RBFOX1: variants seen among roughly 807,000 people sequenced by gnomAD.
RBFOX1 encodes RNA binding protein fox-1 homolog 1.
A neutral mutation model predicts 57.7 loss-of-function variants in RBFOX1; 8 were observed. The observed-to-expected ratio is 0.14, with a 90% confidence interval of 0.08 to 0.25. The LOEUF (loss-of-function observed/expected upper bound fraction) is 0.25. RBFOX1 is among the 10% of genes least tolerant of loss of function. The probability of loss-of-function intolerance (pLI) is 1.00; values close to 1 mark genes in which losing one functional copy is unlikely to be tolerated. For synonymous variants in RBFOX1, 326 were observed against 222.4 expected (o/e 1.47, Z -4.15); for missense variants, 611 against 548.5 (o/e 1.11, Z -1.14).
chr16:5,999,867 C>CAAAAAAAAAAA (rs869221577), intron 4 of RBFOX1, among the ~76,000 whole-genome samples: 1 of 27,664 alleles, frequency 3.6e-5, no homozygotes, highest in African/African-American at 1.5e-4. Context: ...GACTCCACCT[C>CAAAAAAAAAAA]AAAAAAAAAA....
intron 1 of RBFOX1, among the ~76,000 whole-genome samples, chr16:5,298,473 T>TTCCCC (rs1227944549): frequency 3.1e-5 from 1 of 31,802 alleles, no homozygotes; most frequent in South Asian, 1.8e-3. Context: ...TCCCTTCCCC[T>TTCCCC]TCCCCTCCCC....
intron 5 of RBFOX1, among the ~76,000 whole-genome samples, chr16:7,571,913 G>A (rs2092815803): frequency 6.6e-6 from 1 of 152,176 alleles, no homozygotes; most frequent in Non-Finnish European, 1.5e-5. Flanking sequence ...TGGATCACCT[G>A]AGGTCAGGAG....
At chr16:7,010,781 T>A (rs2093617228) in intron 3 of RBFOX1, among the ~76,000 whole-genome samples, 1 of 152,142 alleles carries the variant, frequency 6.6e-6, no homozygotes, top group African/African-American at 2.4e-5. Flanking sequence ...GCCAGGCTGG[T>A]CTCAAACTCC....
chr16:6,359,816 C>G (rs2088097935), intron 2 of RBFOX1, among the ~76,000 whole-genome samples: 1 of 152,040 alleles, frequency 6.6e-6, no homozygotes, highest in Non-Finnish European at 1.5e-5. Flanking sequence ...GTCAAAAAAA[C>G]TTTGGTGATA....
At chr16:6,791,648 A>C (rs1333653038) in intron 3 of RBFOX1, among the ~76,000 whole-genome samples, 1 of 152,130 alleles carries the variant, frequency 6.6e-6, no homozygotes, top group African/African-American at 2.4e-5. Context: ...AGTCCCAGCT[A>C]CTCGGGAGGC....
Position 7,697,473 on chromosome 16 carries a change from GTCAT to G in RBFOX1, c.996-11581_996-11578del, listed in dbSNP as rs377600217. 2.9e-3 allele frequency among the ~76,000 whole-genome samples: 437 copies of G among 152,094 alleles called. 2 individuals carry two copies. The highest frequency in any genetic ancestry group is 1.0e-2 in the African/African-American group (413 of 41,462). On this transcript the variant is annotated intron_variant, in intron 14 of 15. Transcript: ENST00000550418. Reference sequence around the variant, plus strand: ...CTCCAAGGTGTAATAGTAACTTACTGTCATTTATTGAGCAAATTATGTGTGCTAG... The same window carrying G: ...CTCCAAGGTGTAATAGTAACTTACTGTTATTGAGCAAATTATGTGTGCTAG...
At chr16:6,756,205 A>G (rs577867208) in intron 3 of RBFOX1, among the ~76,000 whole-genome samples, 3 of 152,336 alleles carry the variant, frequency 2.0e-5, no homozygotes, top group Admixed American at 6.5e-5. Flanking sequence ...TTATTTAAAA[A>G]TTATATGGAT....
At chr16:7,479,734 G>A (rs753284628) in intron 4 of RBFOX1, among the ~76,000 whole-genome samples, 1 of 151,426 alleles carries the variant, frequency 6.6e-6, no homozygotes, top group African/African-American at 2.5e-5. Flanking sequence ...AGGTGTAGGT[G>A]ATTGGAGCTG....
At chr16:6,891,844 A>C (rs150295690) in intron 3 of RBFOX1, among the ~76,000 whole-genome samples, 1 of 152,212 alleles carries the variant, frequency 6.6e-6, no homozygotes, top group Admixed American at 6.5e-5. Flanking sequence ...TGATACCATT[A>C]TAGCTACTTA....
At chr16:6,376,712 A>G (rs935471655) in intron 2 of RBFOX1, among the ~76,000 whole-genome samples, 16 of 152,202 alleles carry the variant, frequency 1.1e-4, no homozygotes, top group Admixed American at 1.0e-3. Flanking sequence ...AGTAAGAAGT[A>G]TCAGAAGCTC....
chr16:5,922,251 AT>A (rs1299188141), intron 4 of RBFOX1, among the ~76,000 whole-genome samples: 1 of 152,202 alleles, frequency 6.6e-6, no homozygotes, highest in Non-Finnish European at 1.5e-5. Context: ...TAATCCATTC[AT>A]GAGGGATCCA....
chr16:6,528,725 G>C (rs947676087), intron 2 of RBFOX1, among the ~76,000 whole-genome samples: 1 of 152,162 alleles, frequency 6.6e-6, no homozygotes, highest in Non-Finnish European at 1.5e-5. Flanking sequence ...TTTGGGACCA[G>C]ATACTTCTTG....
chr16:6,003,866 G>T (rs1452026209), intron 4 of RBFOX1, among the ~76,000 whole-genome samples: 3 of 152,198 alleles, frequency 2.0e-5, no homozygotes, highest in African/African-American at 7.2e-5. Context: ...AAGAGAGCAG[G>T]CCTAGGTGGC....
intron 2 of RBFOX1, among the ~76,000 whole-genome samples, chr16:5,475,410 T>A (rs1199028321): frequency 1.3e-5 from 2 of 152,232 alleles, no homozygotes; most frequent in East Asian, 3.8e-4. Context: ...AAGAATGAGA[T>A]GACAGCTTTA....
At chr16:7,441,467 T>C (rs1195556510) in intron 4 of RBFOX1, among the ~76,000 whole-genome samples, 1 of 152,210 alleles carries the variant, frequency 6.6e-6, no homozygotes, top group African/African-American at 2.4e-5. Flanking sequence ...GATTCATGGA[T>C]GTGCCAGCGT....
chr16:6,601,250 A>G (rs74673843), intron 2 of RBFOX1, among the ~76,000 whole-genome samples: 9,856 of 152,226 alleles, frequency 0.065, 649 homozygotes, highest in South Asian at 0.23. Context: ...GAACCAGCAT[A>G]TAATTCCAAC....
chr16:6,245,050 C>G (rs917211433), intron 1 of RBFOX1, among the ~76,000 whole-genome samples: 1 of 152,028 alleles, frequency 6.6e-6, no homozygotes, highest in Non-Finnish European at 1.5e-5. Flanking sequence ...TCCTCGTCCT[C>G]TTGTTTGATG....
chr16:7,190,936 C>T (rs1230115806), intron 4 of RBFOX1, among the ~76,000 whole-genome samples: 12 of 149,534 alleles, frequency 8.0e-5, no homozygotes, highest in African/African-American at 3.0e-4. Flanking sequence ...TTTTTTTTTT[C>T]CTGGACTTCT....
chr16:6,709,290 C>G (rs1248317893), intron 3 of RBFOX1, among the ~76,000 whole-genome samples: 1 of 152,048 alleles, frequency 6.6e-6, no homozygotes, highest in Admixed American at 6.5e-5. Context: ...GTGCAGAAGA[C>G]AGATCTGAAA....
Sources: gnomAD v4.1 joint callset for allele counts (sites outside exome capture counted in the v4.1 genomes callset) on GRCh38, gnomAD v4.1.1 for gene constraint, MANE v1.5 for transcripts, NCBI Gene and HGNC (gene_info 2026-07-23, HGNC 2026-07-21) for gene names.